The following SLC26A5 variants were observed in gnomAD, a reference collection of about 807,000 sequenced individuals.
SLC26A5 encodes the protein prestin.
A neutral mutation model predicts 81.0 loss-of-function variants in SLC26A5; 51 were observed. The ratio of observed to expected loss-of-function variants is 0.63; its 90% CI spans 0.50 to 0.80. The LOEUF (loss-of-function observed/expected upper bound fraction) is 0.80, where lower values mean the gene tolerates loss of function less well. SLC26A5 is among the 30% of genes least tolerant of loss of function. SLC26A5 has a pLI of 0.00. For missense variants in SLC26A5, 771 were observed against 905.8 expected (o/e 0.85, Z 1.91); for synonymous variants, 325 against 332.8 (o/e 0.98, Z 0.25).
At position 103,364,981 on chromosome 7, in the gene SLC26A5, A is replaced by ATATT. The variant is rs1554575488; in HGVS notation, c.2041+11823_2041+11826dup. Among the ~76,000 whole-genome samples, 6 of 140,744 alleles carry ATATT rather than the reference A, an allele frequency of 4.3e-5. 1 individual carries two copies. Among genetic ancestry groups the ATATT allele is most frequent in the Admixed American group, 2.8e-4 (4 of 14,182 alleles). 92.3% of individuals were successfully genotyped at this position (140,744 alleles called of 152,430 possible). A position where few individuals can be genotyped will look rare whatever the true frequency, so the allele number is the denominator to read the frequency against. On this transcript the variant is annotated intron_variant, in intron 19 of 19. Transcript: ENST00000339444. The stretch of plus-strand genomic sequence containing the variant: ...TACATATATATATATATATATATAT[A>ATATT]TATTTAGAGAATAAGTCTAGGGCTA...
At chr7:103,377,149 A>G (rs1440600308) in intron 18 of SLC26A5, among the ~76,000 whole-genome samples, 1 of 152,208 alleles carries the variant, frequency 6.6e-6, no homozygotes, top group Non-Finnish European at 1.5e-5. Flanking sequence ...TCAAAATAAA[A>G]AACGATTTTT....
chr7:103,389,360 G>C lies in SLC26A5; in HGVS notation c.1376C>G (p.Pro459Arg), dbSNP rs1371225839. The part of the protein sequence containing the change: ...KGMFMQFSDL[P>R]FFWRTSKIEL... Reference sequence around the variant, plus strand: ...TATTTTGCTGGTTCTCCAGAAAAAGGGGAGATCTGAGAACTGCATAAACAT... The same window carrying C: ...TATTTTGCTGGTTCTCCAGAAAAAGCGGAGATCTGAGAACTGCATAAACAT... Residue 459 changes from proline (P) to arginine (R), a missense_variant, in exon 13 of 20, where the codon CCC (proline) becomes CGC (arginine). Pro to Arg is a moderately radical substitution (Grantham distance 103, BLOSUM62 -2). Coordinates refer to ENST00000306312, the MANE Select transcript of SLC26A5 (RefSeq NM_198999.3). 6.2e-7 allele frequency: 1 copy of C among 1,614,018 alleles called. No homozygotes were observed. The highest frequency in any genetic ancestry group is 8.5e-7 in the Non-Finnish European group (1 of 1,179,948).
chr7:103,370,461 T>C (rs1820969936), downstream of SLC26A5, among the ~76,000 whole-genome samples: 1 of 151,688 alleles, frequency 6.6e-6, no homozygotes, highest in Non-Finnish European at 1.5e-5. Context: ...CCCTCTCTTT[T>C]CTTCATCCAC....
intron 19 of SLC26A5, among the ~76,000 whole-genome samples, chr7:103,361,423 TTGCA>T (rs1820397395): frequency 6.8e-6 from 1 of 147,928 alleles, no homozygotes; most frequent in African/African-American, 2.5e-5. Context: ...GGCAGGAGAA[TTGCA>T]TGAACCCAAG....
intron 14 of SLC26A5, among the ~76,000 whole-genome samples, chr7:103,387,575 T>G (rs1301065252): frequency 6.6e-6 from 1 of 152,162 alleles, no homozygotes; most frequent in Non-Finnish European, 1.5e-5. Flanking sequence ...GAAGTATTAG[T>G]CTCATTTTAT....
intron 19 of SLC26A5, among the ~76,000 whole-genome samples, chr7:103,374,998 T>C (rs1018556114): frequency 6.1e-5 from 9 of 147,716 alleles, no homozygotes; most frequent in Admixed American, 2.0e-4. Context: ...TTTTATATAT[T>C]TGGGGATAAG....
chr7:103,392,994 G>A lies in SLC26A5; in HGVS notation c.1044C>T (p.Ile348=). ...TGGAGATGGTCACTGAAAATCCAAC[G>A]ATGGCTATGGCAATGGCATCTACGT... is the stretch of plus-strand genomic sequence containing the variant. The part of the protein sequence containing the change: ...LVYVDAIAIA[I]VGFSVTISMA... The change falls in exon 10 of 20, where the codon ATC becomes ATT. Residue 348 remains isoleucine (I), a synonymous_variant. Coordinates refer to ENST00000306312, the MANE Select transcript of SLC26A5 (RefSeq NM_198999.3). 12 of 1,613,988 alleles carry A rather than the reference G, an allele frequency of 7.4e-6. No homozygotes were observed. Among genetic ancestry groups the A allele is most frequent in the South Asian group, 1.1e-5 (1 of 91,076 alleles).
At chr7:103,406,592 C>G (rs973536208) in intron 8 of SLC26A5, among the ~76,000 whole-genome samples, 1 of 151,900 alleles carries the variant, frequency 6.6e-6, no homozygotes, top group African/African-American at 2.4e-5. Flanking sequence ...GTGTTGATCT[C>G]GAAGGGAGCT....
chr7:103,358,080 G>C (rs1457317345), intron 19 of SLC26A5, among the ~76,000 whole-genome samples: 1 of 152,126 alleles, frequency 6.6e-6, no homozygotes, highest in Non-Finnish European at 1.5e-5. Flanking sequence ...TAGCTTCTTG[G>C]AAAAGGGTCA....
At chr7:103,425,693 T>C (rs1188792581) in intron 2 of SLC26A5, among the ~76,000 whole-genome samples, 1 of 152,114 alleles carries the variant, frequency 6.6e-6, no homozygotes, top group African/African-American at 2.4e-5. Flanking sequence ...GAAAAGTACA[T>C]GAAATCAGTT....
At chr7:103,401,912 G>C (rs2116574188) in intron 8 of SLC26A5, among the ~76,000 whole-genome samples, 1 of 152,322 alleles carries the variant, frequency 6.6e-6, no homozygotes, top group South Asian at 2.1e-4. Context: ...AAGCTGACTT[G>C]ATCATGGTGG....
Position 103,413,043 on chromosome 7 carries a change from A to G in SLC26A5, c.362T>C (p.Ile121Thr), listed in dbSNP as rs752277589. The change falls in exon 5 of 20, where the codon ATC (isoleucine) becomes ACC (threonine). Residue 121 changes from isoleucine to threonine, a missense_variant. By Grantham distance (89) the Ile-to-Thr change is moderately conservative. Transcript: ENST00000306312. Reference protein sequence around the residue: ...FGLYSSFYPVIMYCFLGTSRH... With the variant: ...FGLYSSFYPVTMYCFLGTSRH... ...GGAGGTTCCAAGAAAACAATACATG[A>G]TAACAGGGTAAAATGAAGAGTACAG... 9 of 1,613,770 alleles carry G rather than the reference A, an allele frequency of 5.6e-6. No homozygotes were observed. The highest frequency in any genetic ancestry group is 6.8e-6 in the Non-Finnish European group (8 of 1,179,774).
intron 12 of SLC26A5, 144 bp from the exon 13 acceptor site, chr7:103,389,568 G>A (rs1361888009): frequency 5.6e-6 from 4 of 709,382 alleles, no homozygotes; most frequent in Non-Finnish European, 1.0e-5. Flanking sequence ...TTGAAGCCAT[G>A]AACACCTGGA....
downstream of SLC26A5, chr7:103,369,480 T>A (rs1013298657): frequency 9.9e-5 from 15 of 152,208 alleles, no homozygotes; most frequent in Non-Finnish European, 2.2e-4. Flanking sequence ...TTGAGCACAC[T>A]CTGTTCTAAC....
At chr7:103,420,711 G>T (rs752082714) in intron 4 of SLC26A5, 27 bp downstream of exon 4, 29 of 1,613,488 alleles carry the variant, frequency 1.8e-5, no homozygotes, top group Non-Finnish European at 2.4e-5. Flanking sequence ...GGACAGCAAG[G>T]GGGGAAAGAA....
chr7:103,368,004 A>C, intron 19 of SLC26A5: 1 of 1,614,122 alleles, frequency 6.2e-7, no homozygotes, highest in Non-Finnish European at 8.5e-7. Context: ...TAAGGTCATT[A>C]AGTCTTATGC....
intron 19 of SLC26A5, among the ~76,000 whole-genome samples, chr7:103,358,354 T>G (rs1052783391): frequency 2.0e-5 from 3 of 152,162 alleles, no homozygotes; most frequent in Non-Finnish European, 4.4e-5. Context: ...TGGGCTCTCT[T>G]GTCCTTTAGT....
At chr7:103,441,218 T>C (rs555214349) in intron 2 of SLC26A5, among the ~76,000 whole-genome samples, 12 of 152,346 alleles carry the variant, frequency 7.9e-5, no homozygotes, top group African/African-American at 2.2e-4. Flanking sequence ...GCTCAACTCA[T>C]GTCTGTCTCT....
intron 10 of SLC26A5, among the ~76,000 whole-genome samples, 167 bp from the exon 11 acceptor site, chr7:103,391,902 T>G (rs1329392609): frequency 6.6e-6 from 1 of 152,200 alleles, no homozygotes; most frequent in Non-Finnish European, 1.5e-5. Flanking sequence ...TTATGGCATA[T>G]TTTATAGTGA....
Sources: allele counts gnomAD v4.1 joint callset (sites outside exome capture counted in the v4.1 genomes callset), GRCh38; gene constraint gnomAD v4.1.1; transcripts MANE v1.5; gene names NCBI Gene and HGNC (gene_info 2026-07-23, HGNC 2026-07-21).